The following ARFGAP3 variants were observed in gnomAD, a reference collection of about 807,000 sequenced individuals.
ARFGAP3 encodes the protein ARF GTPase activating protein 3.
In ARFGAP3, 72 loss-of-function variants were observed where a neutral mutation model predicts 75.0. The observed-to-expected ratio is 0.96, with a 90% CI of 0.79 to 1.17. The LOEUF is 1.17. ARFGAP3 is among the 50% of genes most tolerant of loss of function. The pLI is 0.00. For synonymous variants in ARFGAP3, 221 were observed against 217.9 expected (o/e 1.01, Z -0.13); for missense variants, 620 against 626.6 (o/e 0.99, Z 0.11).
chr22:42,851,826 T>A (rs1187230471), intron 1 of ARFGAP3, among the ~76,000 whole-genome samples: 2 of 152,232 alleles, frequency 1.3e-5, no homozygotes, highest in African/African-American at 4.8e-5. Flanking sequence ...GAATAATTAG[T>A]ATACAAATAA....
At chr22:42,836,814 C>T (rs1926539694) in intron 3 of ARFGAP3, among the ~76,000 whole-genome samples, 1 of 152,200 alleles carries the variant, frequency 6.6e-6, no homozygotes, top group Admixed American at 6.5e-5. Flanking sequence ...CAGACAGTCA[C>T]TACTGCTGTC....
At chr22:42,804,440 G>A (rs1294143171) in intron 14 of ARFGAP3, among the ~76,000 whole-genome samples, 2 of 144,354 alleles carry the variant, frequency 1.4e-5, no homozygotes, top group East Asian at 2.0e-4. Flanking sequence ...GGAGTGCAGC[G>A]GTGTGATCTC....
At chr22:42,835,591 G>A (rs1926487058) in intron 3 of ARFGAP3, 98 bp from the exon 4 acceptor site, 1 of 1,402,920 alleles carries the variant, frequency 7.1e-7, no homozygotes, top group Non-Finnish European at 9.8e-7. Context: ...GGAGGCCGAG[G>A]CAGGCAGATC....
At chr22:42,856,468 A>G (rs1279594835) in intron 1 of ARFGAP3, among the ~76,000 whole-genome samples, 2 of 152,304 alleles carry the variant, frequency 1.3e-5, no homozygotes, top group East Asian at 1.9e-4. Flanking sequence ...GCAAAGCTGT[A>G]AAAGTTCCAG....
Position 42,857,119 on chromosome 22 carries a change from T to A in ARFGAP3, c.64A>T (p.Asn22Tyr). The A allele has an allele frequency of 2.0e-6, 3 of 1,513,014 alleles. No homozygotes were observed. Among genetic ancestry groups the A allele is most frequent in the Non-Finnish European group, 2.7e-6 (3 of 1,129,104 alleles). 93.7% of individuals were successfully genotyped at this position (1,513,014 alleles called of 1,614,324 possible). Reference sequence around the variant, plus strand: ...CACTCGCCCGCGGCCGCTACCTTGTTAGTGGGCACCGAGCGGAGGCGCTTG... The same window carrying A: ...CACTCGCCCGCGGCCGCTACCTTGTAAGTGGGCACCGAGCGGAGGCGCTTG... Reference protein sequence around the residue: ...IFKRLRSVPTNKVCFDCGAKN... With the variant: ...IFKRLRSVPTYKVCFDCGAKN... Residue 22 changes from asparagine (N) to tyrosine (Y), a missense_variant, in exon 1 of 16, where the codon AAC becomes TAC. Physicochemically the swap from Asn to Tyr is moderately radical, Grantham distance 143. Transcript: ENST00000263245.
chr22:42,826,383 CTT>C (rs113925697), intron 7 of ARFGAP3, among the ~76,000 whole-genome samples: 29 of 141,950 alleles, frequency 2.0e-4, no homozygotes, highest in Non-Finnish European at 2.2e-4. Flanking sequence ...CACATTGCTG[CTT>C]TTTTTTTTTT....
At chr22:42,797,668 C>A (rs1924664630) in intron 15 of ARFGAP3, 63 bp from the exon 16 acceptor site, 1 of 1,613,782 alleles carries the variant, frequency 6.2e-7, no homozygotes, top group Non-Finnish European at 8.5e-7. Context: ...CTCCCACGCC[C>A]TGAATATTCA....
At chr22:42,833,464 G>A (rs1001880531) in intron 5 of ARFGAP3, among the ~76,000 whole-genome samples, 20 of 152,122 alleles carry the variant, frequency 1.3e-4, no homozygotes, top group Non-Finnish European at 2.5e-4. Context: ...TAAAAGAATA[G>A]GGCATCTGTG....
chr22:42,849,662 C>T lies in ARFGAP3; in HGVS notation c.70-2030G>A, dbSNP rs370347531. ...CACTGCAGTCTCGAACTCTTGAGCT[C>T]GAGCCATCCACCCCCCTCAGCCTCC... On this transcript the variant is annotated intron_variant, in intron 1 of 15. Coordinates refer to ENST00000263245, the MANE Select transcript of ARFGAP3 (RefSeq NM_014570.5). Among the ~76,000 whole-genome samples, 171 of 151,154 alleles carry T rather than the reference C, an allele frequency of 1.1e-3. 1 individual carries two copies. The highest frequency in any genetic ancestry group is 3.8e-3 in the African/African-American group (156 of 41,084).
At chr22:42,824,133 T>C (rs1407903001) in intron 7 of ARFGAP3, among the ~76,000 whole-genome samples, 1 of 149,596 alleles carries the variant, frequency 6.7e-6, no homozygotes, top group Non-Finnish European at 1.5e-5. Context: ...GCCTCCTGAG[T>C]AGTTGGGATC....
intron 3 of ARFGAP3, 190 bp from the exon 4 acceptor site, chr22:42,835,683 T>A (rs192613371): frequency 9.9e-5 from 22 of 223,096 alleles, no homozygotes; most frequent in Admixed American, 5.9e-4. Context: ...TAGCCAGGCG[T>A]GGTGGCGGGC....
At chr22:42,833,688 G>A (rs1343544746) in intron 5 of ARFGAP3, among the ~76,000 whole-genome samples, 1 of 150,396 alleles carries the variant, frequency 6.6e-6, no homozygotes, top group Non-Finnish European at 1.5e-5. Flanking sequence ...CCCAGGAGGC[G>A]GAGATTGCAG....
chr22:42,801,327 T>C (rs1177517944), intron 14 of ARFGAP3, among the ~76,000 whole-genome samples: 1 of 152,152 alleles, frequency 6.6e-6, no homozygotes, highest in Non-Finnish European at 1.5e-5. Context: ...GACACTGAGC[T>C]ACACAGTGGT....
intron 6 of ARFGAP3, among the ~76,000 whole-genome samples, chr22:42,831,251 C>G (rs12158255): frequency 1.4e-5 from 2 of 146,070 alleles, no homozygotes; most frequent in African/African-American, 5.1e-5. Context: ...CACACCATCG[C>G]ACTCCAGCCT....
chr22:42,819,800 C>G (rs1236668394), intron 9 of ARFGAP3, among the ~76,000 whole-genome samples: 1 of 152,214 alleles, frequency 6.6e-6, no homozygotes, highest in African/African-American at 2.4e-5. Context: ...TAACTTGCAA[C>G]ATAACACTCA....
At chr22:42,802,155 G>A (rs1385710678) in intron 14 of ARFGAP3, among the ~76,000 whole-genome samples, 1 of 152,092 alleles carries the variant, frequency 6.6e-6, no homozygotes, top group African/African-American at 2.4e-5. Flanking sequence ...CTGGAGGCAG[G>A]AGGACCAAGC....
intron 9 of ARFGAP3, among the ~76,000 whole-genome samples, chr22:42,819,056 G>A (rs1925701977): frequency 6.6e-6 from 1 of 151,916 alleles, no homozygotes; most frequent in Non-Finnish European, 1.5e-5. Flanking sequence ...CAGGCGATCT[G>A]CCTGCCTCTG....
chr22:42,855,756 T>A (rs1927466485), intron 1 of ARFGAP3, among the ~76,000 whole-genome samples: 1 of 149,848 alleles, frequency 6.7e-6, no homozygotes, highest in African/African-American at 2.4e-5. Context: ...ATGCCTGTAA[T>A]CCTAGCACTC....
chr22:42,822,233 C>T (rs1414911134), intron 9 of ARFGAP3, 37 bp downstream of exon 9: 2 of 1,469,564 alleles, frequency 1.4e-6, no homozygotes, highest in East Asian at 2.6e-5. Context: ...TAGTTTTATT[C>T]CCTGAAAATG....
Sources: allele counts gnomAD v4.1 joint callset (sites outside exome capture counted in the v4.1 genomes callset), GRCh38; gene constraint gnomAD v4.1.1; transcripts MANE v1.5; gene names NCBI Gene and HGNC (gene_info 2026-07-23, HGNC 2026-07-21).